KIF1B: variants seen among roughly 807,000 people sequenced by gnomAD.
KIF1B encodes the protein kinesin family member 1B, also known as kinesin-like protein KIF1B.
KIF1B carries 76 observed loss-of-function variants against 241.9 expected under a neutral mutation model. The ratio of observed to expected loss-of-function variants is 0.31; its 90% confidence interval spans 0.26 to 0.38. The LOEUF is 0.38. Ranked by LOEUF, KIF1B falls within the 10% of genes least tolerant of loss-of-function variation. The pLI is 1.00. For synonymous variants in KIF1B, 750 were observed against 796.7 expected, an observed-to-expected ratio of 0.94 and a Z score of 0.99; for missense variants, 1,622 against 2,271.4, an observed-to-expected ratio of 0.71 and a Z score of 5.81.
chr1:10,288,063 T>C (rs2102242102), intron 15 of KIF1B, among the ~76,000 whole-genome samples: 1 of 152,266 alleles, frequency 6.6e-6, no homozygotes, highest in East Asian at 1.9e-4. Flanking sequence ...TTATGTAGGT[T>C]ATATCATCAG....
chr1:10,356,619 C>G (rs766114316), intron 38 of KIF1B, among the ~76,000 whole-genome samples: 5 of 144,990 alleles, frequency 3.4e-5, no homozygotes, highest in African/African-American at 1.3e-4. Flanking sequence ...AAAAAAAATG[C>G]GGCCGGGCAC....
chr1:10,274,022 C>T (rs1648968709), intron 10 of KIF1B, among the ~76,000 whole-genome samples: 1 of 150,854 alleles, frequency 6.6e-6, no homozygotes, highest in Non-Finnish European at 1.5e-5. Flanking sequence ...GTGCAACCTC[C>T]ACCTTCTGGG....
chr1:10,220,118 C>G (rs1242996715), intron 1 of KIF1B, among the ~76,000 whole-genome samples: 1 of 151,318 alleles, frequency 6.6e-6, no homozygotes, highest in Non-Finnish European at 1.5e-5. Context: ...AGGAGAATCA[C>G]TTGAACCCGG....
Position 10,378,220 on chromosome 1 carries a change from A to G in KIF1B, c.*1633A>G. 4 of 684,208 alleles carry G rather than the reference A, an allele frequency of 5.8e-6. No individual in the cohort carries two copies. Among genetic ancestry groups the G allele is most frequent in the Non-Finnish European group, 5.4e-6 (2 of 371,638 alleles). 42.4% of individuals were successfully genotyped at this position (684,208 alleles called of 1,614,324 possible). ...TGCCTAGGGGCACGGATGAACGTCC[A>G]GGGAGCCCGGGCCCCAGGCTTTGTT... On this transcript the variant is annotated 3_prime_UTR_variant, in exon 49 of 49. Transcript: ENST00000676179.
intron 1 of KIF1B, among the ~76,000 whole-genome samples, chr1:10,221,054 A>G (rs1323724400): frequency 1.4e-5 from 2 of 146,330 alleles, no homozygotes; most frequent in Non-Finnish European, 3.0e-5. Context: ...CTACTCGTGT[A>G]TAGTCTGATT....
intron 22 of KIF1B, chr1:10,308,713 T>C: frequency 1.3e-6 from 1 of 792,228 alleles, no homozygotes; most frequent in African/African-American, 1.9e-5. Context: ...GTAAACTAAA[T>C]CTTCTTTTTG....
At chr1:10,292,337 G>GA (rs1199030589) in intron 17 of KIF1B, 2 of 532,542 alleles carry the variant, frequency 3.8e-6, no homozygotes, top group African/African-American at 1.9e-5. Flanking sequence ...GTTTACAAAA[G>GA]AAAAAACCTA....
chr1:10,298,456 A>G (rs751239929), intron 22 of KIF1B, among the ~76,000 whole-genome samples: 1 of 152,210 alleles, frequency 6.6e-6, no homozygotes, highest in Non-Finnish European at 1.5e-5. Context: ...TAAAGCCCTA[A>G]AAAGAATGGA....
At chr1:10,276,217 C>T in intron 11 of KIF1B, 104 bp from the exon 12 acceptor site, 1 of 813,218 alleles carries the variant, frequency 1.2e-6, no homozygotes, top group Non-Finnish European at 2.1e-6. Flanking sequence ...TTTGACATTA[C>T]ATTAAATCTT....
chr1:10,329,038 T>A (rs1019508215), intron 27 of KIF1B, among the ~76,000 whole-genome samples: 1 of 152,244 alleles, frequency 6.6e-6, no homozygotes, highest in African/African-American at 2.4e-5. Flanking sequence ...TGTATTGTTT[T>A]CTCTCTAGTT....
At chr1:10,360,006 C>T (rs1445278552) in intron 38 of KIF1B, among the ~76,000 whole-genome samples, 2 of 151,634 alleles carry the variant, frequency 1.3e-5, no homozygotes, top group Non-Finnish European at 2.9e-5. Flanking sequence ...GCACTCCAGC[C>T]TGGGTGACAG....
At chr1:10,217,315 A>G (rs1289715140) in intron 1 of KIF1B, among the ~76,000 whole-genome samples, 1 of 148,122 alleles carries the variant, frequency 6.8e-6, no homozygotes, top group Non-Finnish European at 1.5e-5. Flanking sequence ...GTCCTACCAT[A>G]GGGCACTTGC....
At chr1:10,262,115 G>A (rs1648182605) in intron 5 of KIF1B, 145 bp downstream of exon 5, 2 of 717,592 alleles carry the variant, frequency 2.8e-6, no homozygotes, top group African/African-American at 1.7e-5. Context: ...TGGGTTTTGG[G>A]TATAATGAAT....
intron 22 of KIF1B, among the ~76,000 whole-genome samples, chr1:10,319,162 C>T (rs902546132): frequency 6.9e-6 from 1 of 145,840 alleles, no homozygotes; most frequent in Non-Finnish European, 1.5e-5. Flanking sequence ...AGTGCAGTGG[C>T]GCGATCTCTG....
intron 2 of KIF1B, among the ~76,000 whole-genome samples, chr1:10,238,919 A>AT (rs931609714): frequency 3.1e-4 from 47 of 152,034 alleles, no homozygotes; most frequent in African/African-American, 1.0e-3. Context: ...CTTTTGATGG[A>AT]TTTTTTTGGT....
chr1:10,268,360 T>TG (rs1322367808), intron 7 of KIF1B, 97 bp downstream of exon 7: 8 of 798,718 alleles, frequency 1.0e-5, no homozygotes, highest in South Asian at 1.4e-5. Flanking sequence ...GGTTGGGTGT[T>TG]GGGGGGTGCT....
intron 1 of KIF1B, among the ~76,000 whole-genome samples, chr1:10,230,238 G>A (rs1295375380): frequency 2.0e-5 from 3 of 152,178 alleles, no homozygotes; most frequent in African/African-American, 7.2e-5. Context: ...TTATGGTGTT[G>A]TGTAGTTGGA....
At chr1:10,243,414 G>A (rs560576206) in intron 2 of KIF1B, among the ~76,000 whole-genome samples, 9 of 152,220 alleles carry the variant, frequency 5.9e-5, no homozygotes, top group South Asian at 2.1e-4. Context: ...ACAAGACTGC[G>A]TCTCAAAAAA....
intron 22 of KIF1B, among the ~76,000 whole-genome samples, chr1:10,316,676 T>C (rs1343191138): frequency 6.6e-6 from 1 of 151,428 alleles, no homozygotes; most frequent in Non-Finnish European, 1.5e-5. Flanking sequence ...AATTTTTGTA[T>C]TCTTTTGTAG....
Sources: gnomAD v4.1 joint callset for allele counts (sites outside exome capture counted in the v4.1 genomes callset) on GRCh38, gnomAD v4.1.1 for gene constraint, MANE v1.5 for transcripts, NCBI Gene and HGNC (gene_info 2026-07-23, HGNC 2026-07-21) for gene names.